GABRB3: variants seen among roughly 807,000 people sequenced by gnomAD.
GABRB3 encodes the protein gamma-aminobutyric acid type A receptor subunit beta3.
GABRB3 carries 14 observed loss-of-function variants against 52.1 expected under a neutral mutation model. The ratio of observed to expected loss-of-function variants is 0.27; its 90% CI spans 0.18 to 0.42. The LOEUF is 0.42. GABRB3 is among the 10% of genes least tolerant of loss of function. The pLI, the probability that GABRB3 is intolerant of heterozygous loss-of-function variation, is 1.00. For synonymous variants in GABRB3, 260 were observed against 232.3 expected, an observed-to-expected ratio of 1.12 and a Z score of -1.08; for missense variants, 307 against 609.1, an observed-to-expected ratio of 0.50 and a Z score of 5.22.
intron 4 of GABRB3, among the ~76,000 whole-genome samples, chr15:26,595,092 A>T (rs541184343): frequency 1.3e-5 from 2 of 152,282 alleles, no homozygotes; most frequent in South Asian, 4.1e-4. Context: ...TAAGAGTCTC[A>T]TCCCAGCTTC....
At chr15:26,571,517 C>A (rs1349966122) in intron 6 of GABRB3, among the ~76,000 whole-genome samples, 1 of 152,176 alleles carries the variant, frequency 6.6e-6, no homozygotes, top group African/African-American at 2.4e-5. Flanking sequence ...TATCCTCCAA[C>A]TTTCCATTTG....
At chr15:26,623,935 T>C (rs894339913) in intron 3 of GABRB3, among the ~76,000 whole-genome samples, 1 of 152,174 alleles carries the variant, frequency 6.6e-6, no homozygotes, top group African/African-American at 2.4e-5. Context: ...CTCCTCTCAA[T>C]GGCAGTTGTG....
chr15:26,584,378 G>A (rs1246678115), intron 4 of GABRB3, among the ~76,000 whole-genome samples: 1 of 152,144 alleles, frequency 6.6e-6, no homozygotes, highest in African/African-American at 2.4e-5. Context: ...CACGGGAAGT[G>A]TTAAAGTAGC....
chr15:26,692,130 C>T lies in GABRB3; in HGVS notation c.241-70596G>A, dbSNP rs1022933939. ...TCAACCTCTGCTTCAATACTTCTCA[C>T]ATTGATCAACTCAATATTGACGGGC... On this transcript the variant is annotated intron_variant, in intron 3 of 8. Transcript: ENST00000311550. Among the ~76,000 whole-genome samples, 80 of 152,306 alleles carry T rather than the reference C, an allele frequency of 5.3e-4. 1 individual carries two copies. The highest frequency in any genetic ancestry group is 1.7e-3 in the African/African-American group (71 of 41,578).
At chr15:26,716,875 C>A (rs867536823) in intron 3 of GABRB3, 2 of 473,708 alleles carry the variant, frequency 4.2e-6, no homozygotes, top group African/African-American at 3.6e-5. Flanking sequence ...CTCCACCCAA[C>A]CACAGCCCAG....
chr15:26,753,554 G>A (rs757155307), intron 3 of GABRB3, among the ~76,000 whole-genome samples: 2 of 152,204 alleles, frequency 1.3e-5, no homozygotes, highest in Non-Finnish European at 2.9e-5. Flanking sequence ...ATTGACTTTG[G>A]TCCCAGAAAC....
At chr15:26,677,709 T>C (rs941437263) in intron 3 of GABRB3, among the ~76,000 whole-genome samples, 10 of 152,226 alleles carry the variant, frequency 6.6e-5, no homozygotes, top group African/African-American at 2.4e-4. Context: ...TTTTTTACTA[T>C]CTCTTTGCTC....
intron 3 of GABRB3, among the ~76,000 whole-genome samples, chr15:26,686,014 C>T (rs997122243): frequency 2.6e-5 from 4 of 152,082 alleles, no homozygotes; most frequent in Non-Finnish European, 4.4e-5. Flanking sequence ...TCTCGCTATG[C>T]TGCTCCGGCT....
At chr15:26,730,508 G>T (rs1449059722) in intron 3 of GABRB3, among the ~76,000 whole-genome samples, 3 of 152,066 alleles carry the variant, frequency 2.0e-5, no homozygotes, top group African/African-American at 7.2e-5. Context: ...GGATGAATGC[G>T]GTCACGTCCC....
intron 3 of GABRB3, chr15:26,624,784 G>C: frequency 1.0e-6 from 1 of 985,524 alleles, no homozygotes; most frequent in Non-Finnish European, 1.2e-6. Flanking sequence ...ACAAAGGGAA[G>C]GGGGTGGTGG....
intron 3 of GABRB3, among the ~76,000 whole-genome samples, chr15:26,695,347 T>C (rs543675630): frequency 6.6e-6 from 1 of 152,168 alleles, no homozygotes; most frequent in African/African-American, 2.4e-5. Context: ...CATGAGAACA[T>C]ACAGTAGAGT....
At chr15:26,603,623 G>T (rs1032441540) in intron 4 of GABRB3, among the ~76,000 whole-genome samples, 1 of 151,990 alleles carries the variant, frequency 6.6e-6, no homozygotes, top group Non-Finnish European at 1.5e-5. Flanking sequence ...TTCAACATAT[G>T]CAAATTAATC....
At chr15:26,688,689 T>C (rs1888484005) in intron 3 of GABRB3, among the ~76,000 whole-genome samples, 3 of 152,214 alleles carry the variant, frequency 2.0e-5, no homozygotes, top group African/African-American at 2.4e-5. Flanking sequence ...ATTCACTGCA[T>C]TGGTTCTATG....
At chr15:26,625,909 C>T (rs1190250584) in intron 3 of GABRB3, among the ~76,000 whole-genome samples, 3 of 152,254 alleles carry the variant, frequency 2.0e-5, no homozygotes, top group East Asian at 3.9e-4. Context: ...TTTGCCAGAC[C>T]CCCAGGCTGC....
chr15:26,671,812 C>A (rs1887907000), intron 3 of GABRB3, among the ~76,000 whole-genome samples: 1 of 152,100 alleles, frequency 6.6e-6, no homozygotes, highest in African/African-American at 2.4e-5. Flanking sequence ...CACGGGGGGA[C>A]AAGGTGGTGA....
chr15:26,592,581 A>C (rs1209719914), intron 4 of GABRB3, among the ~76,000 whole-genome samples: 3 of 152,202 alleles, frequency 2.0e-5, no homozygotes, highest in African/African-American at 7.2e-5. Context: ...CAGAGAGAAG[A>C]AGCTGCAACA....
intron 3 of GABRB3, among the ~76,000 whole-genome samples, chr15:26,676,368 A>G (rs916447249): frequency 1.8e-4 from 27 of 152,132 alleles, no homozygotes; most frequent in African/African-American, 5.6e-4. Flanking sequence ...ATTGTCCATC[A>G]ATCTGTGAGA....
intron 4 of GABRB3, among the ~76,000 whole-genome samples, chr15:26,598,616 G>C (rs1049209114): frequency 6.6e-6 from 1 of 152,114 alleles, no homozygotes; most frequent in African/African-American, 2.4e-5. Flanking sequence ...AGATGAAAAA[G>C]GATTTCTATG....
intron 4 of GABRB3, among the ~76,000 whole-genome samples, chr15:26,597,386 G>A (rs1891432203): frequency 6.6e-6 from 1 of 152,166 alleles, no homozygotes; most frequent in Non-Finnish European, 1.5e-5. Flanking sequence ...AGGAAGATTG[G>A]CACCTTCCAA....
Sources: gnomAD v4.1 joint callset for allele counts (sites outside exome capture counted in the v4.1 genomes callset) on GRCh38, gnomAD v4.1.1 for gene constraint, MANE v1.5 for transcripts, NCBI Gene and HGNC (gene_info 2026-07-23, HGNC 2026-07-21) for gene names.